OSBPL11: variants seen among roughly 807,000 people sequenced by gnomAD.
OSBPL11 encodes the protein oxysterol binding protein like 11.
Under a neutral mutation model 84.4 loss-of-function variants are expected in OSBPL11, and 33 were observed. The ratio of observed to expected loss-of-function variants is 0.39; its 90% confidence interval spans 0.30 to 0.52. The LOEUF is 0.52. Among genes scored for constraint, OSBPL11 ranks in the 20% least tolerant of loss-of-function variants. The pLI is 0.72. For synonymous variants in OSBPL11, 276 were observed against 310.2 expected (o/e 0.89, Z 1.16); for missense variants, 736 against 901.1 (o/e 0.82, Z 2.35).
intron 5 of OSBPL11, among the ~76,000 whole-genome samples, chr3:125,575,581 G>C (rs1316692307): frequency 6.6e-6 from 1 of 151,892 alleles, no homozygotes; most frequent in African/African-American, 2.4e-5. Flanking sequence ...CCAGGCTGGA[G>C]TGCTGTGGCA....
intron 7 of OSBPL11, among the ~76,000 whole-genome samples, chr3:125,562,843 T>C (rs1438111996): frequency 6.6e-6 from 1 of 152,044 alleles, no homozygotes; most frequent in Admixed American, 6.6e-5. Flanking sequence ...GGAGAATCAC[T>C]GGAACCCCGG....
chr3:125,563,879 C>T, intron 6 of OSBPL11, 36 bp from the exon 7 acceptor site: 1 of 1,606,106 alleles, frequency 6.2e-7, no homozygotes, highest in South Asian at 1.1e-5. Context: ...CTGAAACTTG[C>T]TCATAATCTA....
At chr3:125,569,724 A>G (rs1445402432) in intron 5 of OSBPL11, among the ~76,000 whole-genome samples, 1 of 152,250 alleles carries the variant, frequency 6.6e-6, no homozygotes, top group Non-Finnish European at 1.5e-5. Context: ...ATAAGCATAC[A>G]GTGAATATTG....
At chr3:125,569,706 A>G (rs1022558695) in intron 5 of OSBPL11, among the ~76,000 whole-genome samples, 4 of 152,266 alleles carry the variant, frequency 2.6e-5, no homozygotes, top group African/African-American at 9.6e-5. Flanking sequence ...GATAAAAAAT[A>G]TTATAGCATA....
intron 1 of OSBPL11, 60 bp from the exon 2 acceptor site, chr3:125,583,038 T>C: frequency 8.0e-7 from 1 of 1,256,570 alleles, no homozygotes. Context: ...AGGAGGATAA[T>C]GGTACAATTT....
chr3:125,580,784 T>C (rs927738064), intron 2 of OSBPL11, among the ~76,000 whole-genome samples: 6 of 152,096 alleles, frequency 3.9e-5, no homozygotes, highest in Admixed American at 6.6e-5. Flanking sequence ...CAAGATATAC[T>C]AGGCAAGATA....
At chr3:125,559,226 GGGAAGTAAGT>G (rs1202621029) in intron 8 of OSBPL11, among the ~76,000 whole-genome samples, 3 of 152,144 alleles carry the variant, frequency 2.0e-5, no homozygotes, top group Admixed American at 1.3e-4. Flanking sequence ...ATCTGCATGT[GGGAAGTAAGT>G]GGAAGTGTCA....
At chr3:125,553,085 C>G (rs1197535025) in intron 8 of OSBPL11, among the ~76,000 whole-genome samples, 1 of 152,126 alleles carries the variant, frequency 6.6e-6, no homozygotes, top group African/African-American at 2.4e-5. Flanking sequence ...GCACTTGTAC[C>G]TGAGCAACAG....
chr3:125,588,476 T>C (rs1166873349), intron 1 of OSBPL11, among the ~76,000 whole-genome samples: 1 of 152,178 alleles, frequency 6.6e-6, no homozygotes, highest in African/African-American at 2.4e-5. Context: ...TCTATATATA[T>C]CTACCTATTG....
At chr3:125,536,083 C>T (rs892901470) in intron 11 of OSBPL11, among the ~76,000 whole-genome samples, 3 of 147,916 alleles carry the variant, frequency 2.0e-5, no homozygotes, top group African/African-American at 5.1e-5. Flanking sequence ...TGCAGTGAGC[C>T]GAGATCATGC....
At chr3:125,557,990 C>T (rs1024634909) in intron 8 of OSBPL11, among the ~76,000 whole-genome samples, 1 of 151,826 alleles carries the variant, frequency 6.6e-6, no homozygotes, top group African/African-American at 2.4e-5. Context: ...GACAGGGTTT[C>T]GCCATGTTGG....
intron 8 of OSBPL11, among the ~76,000 whole-genome samples, chr3:125,553,818 C>G: frequency 6.6e-6 from 1 of 152,166 alleles, no homozygotes; most frequent in East Asian, 1.9e-4. Context: ...GCAGGTTCAG[C>G]TGGTGAATTG....
intron 9 of OSBPL11, among the ~76,000 whole-genome samples, chr3:125,550,371 TCACACACACACACA>T (rs58412964): frequency 7.6e-5 from 10 of 132,268 alleles, no homozygotes; most frequent in African/African-American, 2.9e-4. Context: ...CTAGACCGTG[TCACACACACACACA>T]CACACACACA....
intron 1 of OSBPL11, among the ~76,000 whole-genome samples, chr3:125,594,139 G>A (rs1202502030): frequency 6.6e-6 from 1 of 152,168 alleles, no homozygotes; most frequent in Non-Finnish European, 1.5e-5. Context: ...CTTTGTCCTT[G>A]CATTCCAATT....
At chr3:125,565,583 A>G (rs1936141305) in intron 6 of OSBPL11, among the ~76,000 whole-genome samples, 1 of 152,076 alleles carries the variant, frequency 6.6e-6, no homozygotes, top group African/African-American at 2.4e-5. Context: ...AAAAGAGAAA[A>G]CCTGGGATGG....
At chr3:125,575,415 C>T (rs953895454) in intron 5 of OSBPL11, among the ~76,000 whole-genome samples, 2 of 151,948 alleles carry the variant, frequency 1.3e-5, no homozygotes, top group African/African-American at 4.8e-5. Flanking sequence ...GTTTTAGAGA[C>T]AGGTCTTACT....
intron 11 of OSBPL11, among the ~76,000 whole-genome samples, chr3:125,533,563 T>C (rs11916197): frequency 0.067 from 10,175 of 152,126 alleles, 472 homozygotes; most frequent in African/African-American, 0.13. Flanking sequence ...CTCCAAAAGG[T>C]TTCCTAACAC....
chr3:125,541,568 C>T lies in OSBPL11; in HGVS notation c.1842-2935G>A, dbSNP rs569341359. Among the ~76,000 whole-genome samples, 6 of 152,126 alleles carry T rather than the reference C, an allele frequency of 3.9e-5. No individual in the cohort carries two copies. The South Asian group carries it at 1.2e-3, about 32-fold the overall frequency. On this transcript the variant is annotated intron_variant, in intron 10 of 12. Transcript: ENST00000296220. The stretch of plus-strand genomic sequence containing the variant: ...GCTCAAAAATTTAGGTAAGGTGCCC[C>T]GAATCTCTTTCTGTATTATTTTTTT...
intron 1 of OSBPL11, among the ~76,000 whole-genome samples, chr3:125,593,949 A>G (rs752593176): frequency 1.3e-5 from 2 of 152,206 alleles, no homozygotes; most frequent in Non-Finnish European, 2.9e-5. Context: ...AAAAACAAAA[A>G]CAAAACTTGT....
Sources: allele counts gnomAD v4.1 joint callset (sites outside exome capture counted in the v4.1 genomes callset), GRCh38; gene constraint gnomAD v4.1.1; transcripts MANE v1.5; gene names NCBI Gene and HGNC (gene_info 2026-07-23, HGNC 2026-07-21).